BAIAP2: variants seen among roughly 807,000 people sequenced by gnomAD.
The protein encoded by BAIAP2 is BAR/IMD domain-containing adapter protein 2.
In BAIAP2, 18 loss-of-function variants were observed where a neutral mutation model predicts 63.0. The ratio of observed to expected loss-of-function variants is 0.29; its 90% CI spans 0.20 to 0.42. BAIAP2 has a LOEUF of 0.42. Ranked by LOEUF, BAIAP2 falls within the 10% of genes least tolerant of loss-of-function variation. BAIAP2 has a pLI of 1.00. For missense variants in BAIAP2, 610 were observed against 734.3 expected, an observed-to-expected ratio of 0.83 and a Z score of 1.96; for synonymous variants, 386 against 307.6, an observed-to-expected ratio of 1.25 and a Z score of -2.67.
intron 1 of BAIAP2, among the ~76,000 whole-genome samples, chr17:81,039,047 C>A (rs900167450): frequency 2.2e-4 from 33 of 152,380 alleles, no homozygotes; most frequent in African/African-American, 7.2e-4. Flanking sequence ...GGGGTGGCCC[C>A]CATGGGCACC....
chr17:81,103,676 G>A lies in BAIAP2; in HGVS notation c.817G>A (p.Gly273Arg). 1 of 1,599,050 alleles carries A rather than the reference G, an allele frequency of 6.3e-7. No individual in the cohort carries two copies. Among genetic ancestry groups the A allele is most frequent in the South Asian group, 1.1e-5 (1 of 90,646 alleles). ...SNLVISDPIP[G>R]AKPLPVPPEL... ...CCTGGTCATTTCCGACCCCATTCCG[G>A]GGGCCAAGCCCCTGCCGGTGCCCCC... The change falls in exon 8 of 14, where the codon GGG becomes AGG. Residue 273 changes from glycine (G) to arginine (R), a missense_variant. Physicochemically the swap from Gly to Arg is moderately radical, Grantham distance 125. Coordinates refer to ENST00000428708, the MANE Select transcript of BAIAP2 (RefSeq NM_001144888.2).
chr17:81,075,850 A>G (rs946205770), intron 3 of BAIAP2, among the ~76,000 whole-genome samples: 3 of 151,970 alleles, frequency 2.0e-5, no homozygotes, highest in African/African-American at 4.8e-5. Flanking sequence ...CACAGGCTCC[A>G]TATGAGGCCA....
At chr17:81,065,692 G>A (rs2051341525) in intron 3 of BAIAP2, among the ~76,000 whole-genome samples, 1 of 152,222 alleles carries the variant, frequency 6.6e-6, no homozygotes, top group South Asian at 2.1e-4. Context: ...GCTGGGCTGA[G>A]CCTGGGTCTA....
intron 13 of BAIAP2, 113 bp downstream of exon 13, chr17:81,108,622 C>T (rs2059465593): frequency 7.2e-7 from 1 of 1,385,024 alleles, no homozygotes; most frequent in Admixed American, 1.8e-5. Context: ...AGGGCCCAGC[C>T]TGGCCCTTCA....
chr17:81,114,932 A>C (rs1043454616), intron 13 of BAIAP2, among the ~76,000 whole-genome samples: 7 of 152,236 alleles, frequency 4.6e-5, no homozygotes, highest in Admixed American at 1.3e-4. Context: ...GCCAGAGCAC[A>C]GTCCCGTCCC....
At chr17:81,039,461 G>A (rs376019734) in intron 1 of BAIAP2, among the ~76,000 whole-genome samples, 9 of 152,370 alleles carry the variant, frequency 5.9e-5, no homozygotes, top group African/African-American at 1.9e-4. Context: ...ATGTGGCCAG[G>A]CGTTCTGGGA....
rs955983109 is a variant in BAIAP2 at position 81,046,908 on chromosome 17, C to T, written c.55-6760C>T. Among the ~76,000 whole-genome samples the T allele has an allele frequency of 1.9e-4, 29 of 152,212 alleles. No individual in the cohort carries two copies. Among genetic ancestry groups the T allele is most frequent in the Non-Finnish European group, 2.9e-4 (20 of 68,030 alleles). On this transcript the variant is annotated intron_variant, in intron 1 of 13. Transcript: ENST00000428708. The surrounding 1 kb of genome is among the most constrained non-coding windows in gnomAD (Gnocchi z 4.5). ...TCATGCTGTGGCTGTGGTGGCACAG[C>T]GGGCTGGGGGAAGCCCCTCTGGCAC...
At chr17:81,058,100 A>G (rs955984593) in intron 3 of BAIAP2, 133 bp downstream of exon 3, 1 of 737,186 alleles carries the variant, frequency 1.4e-6, no homozygotes, top group African/African-American at 1.8e-5. Flanking sequence ...TATTTTAATG[A>G]CAGTCACCCT....
At chr17:81,069,555 C>T (rs2052180145) in intron 3 of BAIAP2, among the ~76,000 whole-genome samples, 1 of 152,248 alleles carries the variant, frequency 6.6e-6, no homozygotes, top group South Asian at 2.1e-4. Flanking sequence ...TCAAGGACGC[C>T]TGCTGGGAGT....
chr17:81,079,707 G>A (rs1313771105), intron 3 of BAIAP2, among the ~76,000 whole-genome samples: 2 of 152,218 alleles, frequency 1.3e-5, no homozygotes, highest in Admixed American at 6.5e-5. Context: ...TGATGGCGAC[G>A]GCTCTGCCGG....
At chr17:81,057,013 G>A (rs1490559092) in intron 2 of BAIAP2, among the ~76,000 whole-genome samples, 1 of 152,268 alleles carries the variant, frequency 6.6e-6, no homozygotes, top group Non-Finnish European at 1.5e-5. Flanking sequence ...TTGTGCCGCA[G>A]AACAAATTGT....
At chr17:81,060,891 G>A (rs1312783860) in intron 3 of BAIAP2, among the ~76,000 whole-genome samples, 1 of 152,208 alleles carries the variant, frequency 6.6e-6, no homozygotes, top group Non-Finnish European at 1.5e-5. Context: ...GGGAGGCTGA[G>A]GCAGGTGGAT....
intron 6 of BAIAP2, among the ~76,000 whole-genome samples, chr17:81,092,053 C>G (rs2056863906): frequency 6.6e-6 from 1 of 152,362 alleles, no homozygotes; most frequent in Non-Finnish European, 1.5e-5. Flanking sequence ...TGACTCTGGT[C>G]TTTGGGGGTG....
chr17:81,104,154 T>G (rs1344800978), intron 9 of BAIAP2, 46 bp downstream of exon 9: 1 of 1,595,226 alleles, frequency 6.3e-7, no homozygotes, highest in Non-Finnish European at 8.6e-7. Context: ...TGGACGTGCC[T>G]CCTCAGACCC....
chr17:81,085,295 C>T, intron 4 of BAIAP2: 1 of 513,872 alleles, frequency 1.9e-6, no homozygotes, highest in Non-Finnish European at 3.6e-6. Context: ...CTGTCTAAAG[C>T]CAGGGGTCTG....
At chr17:81,082,155 C>T (rs973719470) in intron 3 of BAIAP2, among the ~76,000 whole-genome samples, 8 of 152,068 alleles carry the variant, frequency 5.3e-5, no homozygotes, top group South Asian at 2.1e-4. Context: ...GAGTGGGTAG[C>T]GGCATCCAGG....
chr17:81,110,335 T>A, intron 13 of BAIAP2: 1 of 986,384 alleles, frequency 1.0e-6, no homozygotes, highest in Non-Finnish European at 1.2e-6. Context: ...CCGCTAAAGA[T>A]TTCAAATCCA....
intron 3 of BAIAP2, among the ~76,000 whole-genome samples, chr17:81,064,903 T>C (rs2051196623): frequency 6.6e-6 from 1 of 152,208 alleles, no homozygotes; most frequent in Non-Finnish European, 1.5e-5. Context: ...GAGTGGCAGC[T>C]CCAAGTTCCG....
intron 13 of BAIAP2, chr17:81,109,389 AAAAAAAG>A (rs1237714924): frequency 2.0e-6 from 2 of 986,364 alleles, no homozygotes; most frequent in Non-Finnish European, 2.4e-6. Context: ...AAAAAAAAAA[AAAAAAAG>A]AAAAAAAGAA....
Sources: allele counts gnomAD v4.1 joint callset (sites outside exome capture counted in the v4.1 genomes callset), GRCh38; gene constraint gnomAD v4.1.1; non-coding constraint Gnocchi (gnomAD v3.1); transcripts MANE v1.5; gene names NCBI Gene and HGNC (gene_info 2026-07-23, HGNC 2026-07-21).